CELF4: variants seen among roughly 807,000 people sequenced by gnomAD.
CELF4 encodes CUG-BP- and ETR-3-like factor 4.
In CELF4, 18 loss-of-function variants were observed where a neutral mutation model predicts 59.9. The observed-to-expected ratio is 0.30, with a 90% CI of 0.21 to 0.45. CELF4 has a LOEUF of 0.45. Ranked by LOEUF, CELF4 falls within the 20% of genes least tolerant of loss-of-function variation. The probability of loss-of-function intolerance (pLI) is 1.00; values close to 1 mark genes in which losing one functional copy is unlikely to be tolerated. For synonymous variants in CELF4, 261 were observed against 267.1 expected (o/e 0.98, Z 0.22); for missense variants, 456 against 689.0 (o/e 0.66, Z 3.79).
chr18:37,350,244 A>G (rs1245504715), intron 2 of CELF4, among the ~76,000 whole-genome samples: 1 of 152,220 alleles, frequency 6.6e-6, no homozygotes, highest in Non-Finnish European at 1.5e-5. Context: ...ACAGCTTAAC[A>G]TATGACGACC....
intron 2 of CELF4, among the ~76,000 whole-genome samples, chr18:37,399,658 G>C (rs1293101493): frequency 6.6e-6 from 1 of 152,110 alleles, no homozygotes; most frequent in Non-Finnish European, 1.5e-5. Flanking sequence ...CACTAACCAG[G>C]GTTGGTTTGT....
chr18:37,300,984 G>T (rs995340228), intron 3 of CELF4, among the ~76,000 whole-genome samples: 5 of 152,212 alleles, frequency 3.3e-5, no homozygotes, highest in African/African-American at 9.6e-5. Context: ...GTGGTAAAAG[G>T]CTTGGACTTC....
At chr18:37,549,810 G>A (rs2099982576) in intron 1 of CELF4, among the ~76,000 whole-genome samples, 1 of 152,020 alleles carries the variant, frequency 6.6e-6, no homozygotes, top group South Asian at 2.1e-4. Flanking sequence ...TTTATATATA[G>A]GTTATATATA....
chr18:37,307,445 C>T (rs562460441), intron 3 of CELF4, among the ~76,000 whole-genome samples: 1 of 152,262 alleles, frequency 6.6e-6, no homozygotes, highest in South Asian at 2.1e-4. Context: ...AAAACCCCAA[C>T]CTGGAGTGAA....
At chr18:37,323,717 C>T (rs1375766409) in intron 2 of CELF4, among the ~76,000 whole-genome samples, 1 of 152,218 alleles carries the variant, frequency 6.6e-6, no homozygotes, top group East Asian at 1.9e-4. Flanking sequence ...CAGTTCCAGC[C>T]CTGATGCTCT....
intron 2 of CELF4, among the ~76,000 whole-genome samples, chr18:37,383,168 T>C (rs1463318135): frequency 6.6e-6 from 1 of 152,210 alleles, no homozygotes; most frequent in Non-Finnish European, 1.5e-5. Flanking sequence ...CTTATAGGCA[T>C]GAGCCACTGT....
chr18:37,271,007 G>C (rs1013273876), intron 7 of CELF4, 90 bp from the exon 8 acceptor site: 10 of 1,166,688 alleles, frequency 8.6e-6, no homozygotes, highest in Non-Finnish European at 1.2e-5. Flanking sequence ...TCACTCAACT[G>C]TTTCCAAGGA....
intron 2 of CELF4, among the ~76,000 whole-genome samples, chr18:37,323,896 A>G (rs2852373): frequency 0.53 from 80,764 of 152,050 alleles, 21,972 homozygotes; most frequent in East Asian, 0.76. Flanking sequence ...AACGGCCTTT[A>G]GCTTTGTCAT....
At chr18:37,510,456 AGT>A (rs1408907617) in intron 1 of CELF4, among the ~76,000 whole-genome samples, 2 of 152,172 alleles carry the variant, frequency 1.3e-5, no homozygotes, top group Non-Finnish European at 2.9e-5. Flanking sequence ...AGGCTTCCTT[AGT>A]GACCCCAGCA....
intron 2 of CELF4, among the ~76,000 whole-genome samples, chr18:37,349,243 T>C (rs2098382662): frequency 1.3e-5 from 2 of 152,198 alleles, no homozygotes; most frequent in South Asian, 4.1e-4. Context: ...CAACCTGAAC[T>C]CGCATCAAGG....
intron 1 of CELF4, among the ~76,000 whole-genome samples, chr18:37,503,081 T>C (rs1207598396): frequency 1.3e-5 from 2 of 151,728 alleles, no homozygotes; most frequent in Non-Finnish European, 2.9e-5. Flanking sequence ...CACAGAGGGG[T>C]CGGATGGAAT....
At chr18:37,363,176 T>C (rs1235510263) in intron 2 of CELF4, among the ~76,000 whole-genome samples, 1 of 151,830 alleles carries the variant, frequency 6.6e-6, no homozygotes, top group Non-Finnish European at 1.5e-5. Flanking sequence ...TTGGGGGCTG[T>C]GTGGGGAGGG....
chr18:37,469,901 AC>A (rs2099817071), intron 2 of CELF4, among the ~76,000 whole-genome samples: 1 of 152,296 alleles, frequency 6.6e-6, no homozygotes, highest in South Asian at 2.1e-4. Flanking sequence ...GTCTGAGAGT[AC>A]TAAGGGGCAT....
At chr18:37,266,511 G>A (rs753958756) in intron 9 of CELF4, 22 bp downstream of exon 9, 19 of 1,579,160 alleles carry the variant, frequency 1.2e-5, no homozygotes, top group South Asian at 9.3e-5. Context: ...GGAAGGAGCC[G>A]TGGGGACGCG....
intron 2 of CELF4, among the ~76,000 whole-genome samples, chr18:37,470,143 G>C (rs888261419): frequency 1.3e-5 from 2 of 152,206 alleles, no homozygotes; most frequent in Non-Finnish European, 2.9e-5. Context: ...AGAATAGAGG[G>C]TAATTTGGAC....
At chr18:37,391,627 C>G (rs897082757) in intron 2 of CELF4, among the ~76,000 whole-genome samples, 3 of 152,208 alleles carry the variant, frequency 2.0e-5, no homozygotes, top group Non-Finnish European at 4.4e-5. Flanking sequence ...GATGTCCTGA[C>G]CCATGGCATG....
chr18:37,475,286 TG>T (rs1383281790), intron 2 of CELF4, among the ~76,000 whole-genome samples: 1 of 152,168 alleles, frequency 6.6e-6, no homozygotes, highest in East Asian at 1.9e-4. Context: ...AGGCCAGTGG[TG>T]GTTGAACTTC....
intron 2 of CELF4, among the ~76,000 whole-genome samples, chr18:37,402,275 C>G (rs1321993477): frequency 6.6e-6 from 1 of 152,202 alleles, no homozygotes; most frequent in African/African-American, 2.4e-5. Flanking sequence ...AGTTTAATTA[C>G]CATCCGTCTT....
intron 7 of CELF4, 120 bp downstream of exon 7, chr18:37,272,896 G>C (rs1229233312): frequency 1.0e-6 from 1 of 998,744 alleles, no homozygotes; most frequent in East Asian, 2.5e-5. Flanking sequence ...AGTCCTCTCG[G>C]GCCCAGACAC....
Sources: gnomAD v4.1 joint callset for allele counts (sites outside exome capture counted in the v4.1 genomes callset) on GRCh38, gnomAD v4.1.1 for gene constraint, MANE v1.5 for transcripts, NCBI Gene and HGNC (gene_info 2026-07-23, HGNC 2026-07-21) for gene names.